The following TCEA1 variants were observed in gnomAD, a reference collection of about 807,000 sequenced individuals.
TCEA1 encodes the protein transcription elongation factor A1.
TCEA1 carries 21 observed loss-of-function variants against 43.8 expected under a neutral mutation model. The observed-to-expected ratio is 0.48, with a 90% confidence interval of 0.34 to 0.69. The LOEUF is 0.69. Ranked by LOEUF, TCEA1 falls within the 30% of genes least tolerant of loss-of-function variation. TCEA1 has a pLI of 0.01. For synonymous variants in TCEA1, 104 were observed against 117.5 expected (o/e 0.88, Z 0.75); for missense variants, 250 against 365.1 (o/e 0.68, Z 2.57).
intron 8 of TCEA1, among the ~76,000 whole-genome samples, chr8:53,977,626 TG>T (rs1421464796): frequency 6.6e-5 from 10 of 152,110 alleles, no homozygotes; most frequent in African/African-American, 2.2e-4. Context: ...CATAGTAAGT[TG>T]TCCCTTAAGG....
chr8:54,008,857 T>A (rs138123725), intron 2 of TCEA1, among the ~76,000 whole-genome samples: 6,853 of 149,196 alleles, frequency 0.046, 170 homozygotes, highest in South Asian at 0.074. Flanking sequence ...TTATTTATTT[T>A]TTTTTTTTTT....
At chr8:53,979,432 T>C (rs1178774664) in intron 7 of TCEA1, among the ~76,000 whole-genome samples, 3 of 152,216 alleles carry the variant, frequency 2.0e-5, no homozygotes, top group African/African-American at 7.2e-5. Context: ...TTGCAAAGAT[T>C]ATGACAGTGA....
intron 5 of TCEA1, 50 bp from the exon 6 acceptor site, chr8:53,987,075 A>C: frequency 7.0e-7 from 1 of 1,425,124 alleles, no homozygotes; most frequent in Non-Finnish European, 9.6e-7. Flanking sequence ...GATTAAAAGA[A>C]AATTCTAATA....
At chr8:53,988,778 T>C (rs1486375783) in intron 4 of TCEA1, among the ~76,000 whole-genome samples, 1 of 152,066 alleles carries the variant, frequency 6.6e-6, no homozygotes, top group African/African-American at 2.4e-5. Flanking sequence ...CTTGAAAAAC[T>C]CTGTTTCACT....
chr8:54,020,038 T>A (rs1804972542), intron 1 of TCEA1, among the ~76,000 whole-genome samples: 1 of 152,212 alleles, frequency 6.6e-6, no homozygotes, highest in Non-Finnish European at 1.5e-5. Flanking sequence ...ATTTGAGAAC[T>A]GCAGATAAAT....
intron 7 of TCEA1, among the ~76,000 whole-genome samples, chr8:53,983,864 C>T (rs2050495534): frequency 6.6e-6 from 1 of 152,168 alleles, no homozygotes; most frequent in African/African-American, 2.4e-5. Context: ...TTTGGGAGGC[C>T]AAGGCGGACA....
At chr8:53,973,110 G>C (rs1585986013) in intron 8 of TCEA1, 2 of 637,802 alleles carry the variant, frequency 3.1e-6, no homozygotes, top group Non-Finnish European at 6.0e-6. Flanking sequence ...AGAGGAGATA[G>C]AAGAGGAGCT....
At chr8:53,973,392 AAG>A (rs1191344486) in intron 8 of TCEA1, 14 of 507,378 alleles carry the variant, frequency 2.8e-5, no homozygotes, top group Non-Finnish European at 4.1e-5. Context: ...CAAAAAGAAA[AAG>A]AAGACTCTTG....
chr8:53,974,261 ATAG>A (rs1434587169), intron 8 of TCEA1: 1 of 152,888 alleles, frequency 6.5e-6, no homozygotes, highest in Non-Finnish European at 1.5e-5. Flanking sequence ...ATATACAGAA[ATAG>A]TAGGAGAAAT....
At chr8:54,019,231 G>A (rs1281596837) in intron 1 of TCEA1, among the ~76,000 whole-genome samples, 1 of 152,108 alleles carries the variant, frequency 6.6e-6, no homozygotes, top group East Asian at 1.9e-4. Context: ...ATCTAAATTT[G>A]CACTTAAATT....
intron 2 of TCEA1, among the ~76,000 whole-genome samples, chr8:54,003,603 T>C (rs1804344438): frequency 6.6e-6 from 1 of 152,164 alleles, no homozygotes; most frequent in African/African-American, 2.4e-5. Flanking sequence ...GAAAAGAATA[T>C]TCTTTTTAAC....
chr8:53,974,510 T>C (rs988633213), intron 8 of TCEA1, among the ~76,000 whole-genome samples: 1 of 143,560 alleles, frequency 7.0e-6, no homozygotes, highest in Non-Finnish European at 1.5e-5. Flanking sequence ...AGCTTTCTGG[T>C]TTTTTTGGGG....
intron 8 of TCEA1, chr8:53,971,384 G>A (rs991484558): frequency 3.3e-5 from 5 of 152,354 alleles, no homozygotes; most frequent in African/African-American, 1.2e-4. Flanking sequence ...GCTGAGGCAG[G>A]TGGATCACTT....
intron 8 of TCEA1, chr8:53,972,552 T>C (rs1009646589): frequency 1.3e-5 from 7 of 547,842 alleles, no homozygotes; most frequent in Non-Finnish European, 2.5e-5. Flanking sequence ...GGCAAAAGAT[T>C]TGCTGACTCT....
intron 1 of TCEA1, among the ~76,000 whole-genome samples, chr8:54,012,542 G>A (rs929176350): frequency 1.3e-5 from 2 of 152,212 alleles, no homozygotes; most frequent in Admixed American, 1.3e-4. Flanking sequence ...CTGGGCGACA[G>A]AGCGAGACTC....
chr8:53,987,973 GCAA>G (rs1803742178), intron 5 of TCEA1, 138 bp downstream of exon 5: 3 of 1,010,178 alleles, frequency 3.0e-6, no homozygotes, highest in Non-Finnish European at 4.1e-6. Flanking sequence ...ACCCGTATCA[GCAA>G]CAACTTCTCC....
intron 8 of TCEA1, chr8:53,972,486 G>T: frequency 1.9e-6 from 1 of 525,900 alleles, no homozygotes; most frequent in Non-Finnish European, 3.8e-6. Flanking sequence ...TGCTCCTCGT[G>T]CTGATGACAT....
At chr8:54,021,283 G>A (rs1300660275) in intron 1 of TCEA1, among the ~76,000 whole-genome samples, 2 of 152,136 alleles carry the variant, frequency 1.3e-5, no homozygotes, top group Non-Finnish European at 2.9e-5. Flanking sequence ...GTCGTATGAG[G>A]ATTTCTTACA....
At position 53,967,103 on chromosome 8, in the gene TCEA1, G is replaced by A. The variant is rs1226234286; in HGVS notation, c.*1001C>T. Reference sequence around the variant, plus strand: ...CATGACAGAAAAAGTCAGCAAATAAGACTTGGGACAAAATTATTTTCTATC... The same window carrying A: ...CATGACAGAAAAAGTCAGCAAATAAAACTTGGGACAAAATTATTTTCTATC... On this transcript the variant is annotated 3_prime_UTR_variant, in exon 10 of 10. Coordinates refer to ENST00000521604, the MANE Select transcript of TCEA1 (RefSeq NM_006756.4). 1 of 212,390 alleles carries A rather than the reference G, an allele frequency of 4.7e-6. No individual in the cohort carries two copies. The highest frequency in any genetic ancestry group is 2.3e-5 in the African/African-American group (1 of 44,078). 13.2% of individuals were successfully genotyped at this position (212,390 alleles called of 1,614,324 possible). A position where few individuals can be genotyped will look rare whatever the true frequency, so the allele number is the denominator to read the frequency against.
Sources: allele counts gnomAD v4.1 joint callset (sites outside exome capture counted in the v4.1 genomes callset), GRCh38; gene constraint gnomAD v4.1.1; transcripts MANE v1.5; gene names NCBI Gene and HGNC (gene_info 2026-07-23, HGNC 2026-07-21).